Variants in ARHGEF33 observed in about 807,000 individuals in gnomAD.
The protein encoded by ARHGEF33 is DH and coiled-coil domain-containing protein ENSP00000381780.
In ARHGEF33, 72 loss-of-function variants were observed where a neutral mutation model predicts 101.9. The ratio of observed to expected loss-of-function variants is 0.71; its 90% confidence interval spans 0.58 to 0.86. The LOEUF (loss-of-function observed/expected upper bound fraction) is 0.86, where lower values mean the gene tolerates loss of function less well. Ranked by LOEUF, ARHGEF33 falls within the 40% of genes least tolerant of loss-of-function variation. The pLI is 0.00. For synonymous variants in ARHGEF33, 499 were observed against 442.5 expected (o/e 1.13, Z -1.60); for missense variants, 1,169 against 1,111.3 (o/e 1.05, Z -0.74).
At chr2:38,921,317 G>C in intron 3 of ARHGEF33, 57 bp from the exon 4 acceptor site, 1 of 1,035,582 alleles carries the variant, frequency 9.7e-7, no homozygotes, top group Non-Finnish European at 1.5e-6. Context: ...CATGTATCTG[G>C]AGGGGATAGG....
chr2:38,958,330 C>G (rs1210304822), intron 15 of ARHGEF33, 132 bp downstream of exon 15: 1 of 1,157,816 alleles, frequency 8.6e-7, no homozygotes, highest in South Asian at 1.6e-5. Context: ...AACCAAGCAG[C>G]CAACCCGATT....
chr2:38,929,399 G>A (rs1050640774), intron 5 of ARHGEF33, among the ~76,000 whole-genome samples: 27 of 151,964 alleles, frequency 1.8e-4, no homozygotes, highest in African/African-American at 6.3e-4. Flanking sequence ...CTGCACTCCA[G>A]CCTGGGCGAC....
intron 2 of ARHGEF33, among the ~76,000 whole-genome samples, chr2:38,902,372 G>A (rs939415989): frequency 2.6e-5 from 4 of 152,092 alleles, no homozygotes; most frequent in Non-Finnish European, 5.9e-5. Context: ...GATTAAAGAC[G>A]TGTTATCCGA....
chr2:38,952,569 C>G (rs1667638690), intron 11 of ARHGEF33, among the ~76,000 whole-genome samples: 1 of 152,138 alleles, frequency 6.6e-6, no homozygotes, highest in South Asian at 2.1e-4. Flanking sequence ...TAAAAAAATA[C>G]ATTTTCAACT....
At chr2:38,911,127 T>A (rs1666499658) in intron 2 of ARHGEF33, among the ~76,000 whole-genome samples, 2 of 152,182 alleles carry the variant, frequency 1.3e-5, no homozygotes, top group African/African-American at 2.4e-5. Context: ...CACAAAATAA[T>A]GTTGCTTTTA....
chr2:38,965,835 G>C (rs750868387), intron 16 of ARHGEF33, among the ~76,000 whole-genome samples, 171 bp from the exon 17 acceptor site: 2 of 151,898 alleles, frequency 1.3e-5, no homozygotes, highest in Non-Finnish European at 1.5e-5. Flanking sequence ...TCCTCTTTTC[G>C]CCTGCTGGTT....
intron 4 of ARHGEF33, among the ~76,000 whole-genome samples, chr2:38,924,350 C>G (rs966422692): frequency 6.6e-6 from 1 of 152,090 alleles, no homozygotes; most frequent in African/African-American, 2.4e-5. Flanking sequence ...CTGCACATAC[C>G]CCTCTCAAAG....
At chr2:38,911,153 A>G (rs900867285) in intron 2 of ARHGEF33, among the ~76,000 whole-genome samples, 1 of 152,220 alleles carries the variant, frequency 6.6e-6, no homozygotes, top group Non-Finnish European at 1.5e-5. Context: ...TATAGAAAAA[A>G]AAAGCAAATA....
chr2:38,953,798 TCTTA>T (rs759116253), intron 12 of ARHGEF33, among the ~76,000 whole-genome samples: 6 of 152,198 alleles, frequency 3.9e-5, no homozygotes, highest in Non-Finnish European at 7.3e-5. Context: ...AGAGGCTCTG[TCTTA>T]CTAAGTTTCT....
chr2:38,937,204 C>T (rs1667163626), intron 8 of ARHGEF33, 131 bp from the exon 9 acceptor site: 3 of 606,814 alleles, frequency 4.9e-6, no homozygotes, highest in African/African-American at 3.7e-5. Flanking sequence ...CCATGTTAGC[C>T]AGGATGGTCT....
chr2:38,898,657 C>CTTA lies in ARHGEF33; in HGVS notation c.-86+2809_-86+2811dup, dbSNP rs1666173475. Among the ~76,000 whole-genome samples the CTTA allele has an allele frequency of 3.3e-5, 5 of 152,276 alleles. No homozygotes were observed. In the South Asian group the frequency reaches 1.0e-3, roughly 32 times the overall value. On this transcript the variant is annotated intron_variant, in intron 2 of 17. Transcript: ENST00000409978. ...GCTGATTCATTTCTATTTGGCTATA[C>CTTA]TTAACCTAATATACTTAAAAAAAGG...
At chr2:38,912,542 C>T (rs1427962350) in intron 2 of ARHGEF33, among the ~76,000 whole-genome samples, 1 of 152,038 alleles carries the variant, frequency 6.6e-6, no homozygotes, top group Non-Finnish European at 1.5e-5. Flanking sequence ...GGAAACTTAG[C>T]TTAAGAAAAA....
chr2:38,906,805 CAAAAAAA>C (rs769713983), intron 2 of ARHGEF33, among the ~76,000 whole-genome samples: 27 of 50,424 alleles, frequency 5.4e-4, no homozygotes, highest in African/African-American at 1.9e-3. Flanking sequence ...CCTGTATCTA[CAAAAAAA>C]AAAAAAAAAA....
chr2:38,923,279 G>A (rs555708161), intron 4 of ARHGEF33, among the ~76,000 whole-genome samples: 1 of 152,150 alleles, frequency 6.6e-6, no homozygotes, highest in South Asian at 2.1e-4. Flanking sequence ...GCCCCAGTCT[G>A]TTTACTCCAA....
In ARHGEF33 at chr2:38,931,166, T is replaced by G. The variant is rs994586793; in HGVS notation, c.420T>G (p.Ser140Arg). ...SQAGPAQAQGSPFRSINIPEP... is the reference protein window; with the variant it reads ...SQAGPAQAQGRPFRSINIPEP... ...CCGGGCCTGCCCAAGCACAAGGAAG[T>G]CCTTTTCGTTCTATCAATATCCCTG... Residue 140 changes from serine to arginine, a missense_variant, in exon 7 of 18, where the codon AGT becomes AGG. Coordinates refer to ENST00000409978, the MANE Select transcript of ARHGEF33 (RefSeq NM_001145451.5). 3 of 1,551,602 alleles carry G rather than the reference T, an allele frequency of 1.9e-6. No homozygotes were observed. The highest frequency in any genetic ancestry group is 2.6e-6 in the Non-Finnish European group (3 of 1,146,910).
At chr2:38,893,440 G>A (rs900847082) in intron 1 of ARHGEF33, among the ~76,000 whole-genome samples, 2 of 152,162 alleles carry the variant, frequency 1.3e-5, no homozygotes, top group Non-Finnish European at 2.9e-5. Context: ...AATTACAGGT[G>A]TGAACCACTG....
At chr2:38,893,858 G>T (rs1207506523) in intron 1 of ARHGEF33, among the ~76,000 whole-genome samples, 1 of 152,160 alleles carries the variant, frequency 6.6e-6, no homozygotes, top group East Asian at 1.9e-4. Flanking sequence ...TATCTGAAGA[G>T]CTCAAATGAG....
chr2:38,963,649 G>A (rs2124427915), intron 16 of ARHGEF33, among the ~76,000 whole-genome samples: 1 of 152,292 alleles, frequency 6.6e-6, no homozygotes, highest in African/African-American at 2.4e-5. Flanking sequence ...ACCATTAATA[G>A]ATTTAGTCAC....
rs536175211 is a variant in ARHGEF33, at chr2:38,960,508, C to A, written c.2203C>A (p.Arg735Ser). The A allele has an allele frequency of 1.6e-5, 21 of 1,345,528 alleles. No individual in the cohort carries two copies. In the South Asian group the frequency reaches 3.7e-4, roughly 23 times the overall value. 83.3% of individuals were successfully genotyped at this position (1,345,528 alleles called of 1,614,324 possible). A position where few individuals can be genotyped will look rare whatever the true frequency, so the allele number is the denominator to read the frequency against. Residue 735 changes from arginine to serine, a missense_variant, in exon 16 of 18, where the codon CGC (arginine) becomes AGC (serine). By Grantham distance (110) the Arg-to-Ser change is moderately radical. Transcript: ENST00000409978. ...CAGCACGCGCAGCAGCAGCGGCGGCCGCGCGCCCATCAAGGCCGAGCGCGC... is the reference window on the plus strand; with the variant it reads ...CAGCACGCGCAGCAGCAGCGGCGGCAGCGCGCCCATCAAGGCCGAGCGCGC... ...LYSTRSSSGGRAPIKAERAAQ... is the reference protein window; with the variant it reads ...LYSTRSSSGGSAPIKAERAAQ...
Sources: allele counts gnomAD v4.1 joint callset (sites outside exome capture counted in the v4.1 genomes callset), GRCh38; gene constraint gnomAD v4.1.1; transcripts MANE v1.5; gene names NCBI Gene and HGNC (gene_info 2026-07-23, HGNC 2026-07-21).